Variants in PCDHA6 observed in about 807,000 individuals in gnomAD.
PCDHA6 encodes the protein protocadherin alpha-6.
A neutral mutation model predicts 60.3 loss-of-function variants in PCDHA6; 55 were observed. The observed-to-expected ratio is 0.91, with a 90% CI of 0.73 to 1.14. The LOEUF (loss-of-function observed/expected upper bound fraction) is 1.14, where lower values mean the gene tolerates loss of function less well. Among genes scored for constraint, PCDHA6 ranks in the 50% most tolerant of loss-of-function variants. The probability of loss-of-function intolerance (pLI) is 0.00; values close to 1 mark genes in which losing one functional copy is unlikely to be tolerated. For missense variants in PCDHA6, 1,327 were observed against 1,256.5 expected (o/e 1.06, Z -0.85); for synonymous variants, 652 against 557.9 (o/e 1.17, Z -2.38).
intron 1 of PCDHA6, chr5:140,869,209 T>C (rs782345986): frequency 1.2e-6 from 2 of 1,613,950 alleles, no homozygotes; most frequent in South Asian, 2.2e-5. Flanking sequence ...CTACTCCGTC[T>C]CGGAGGAGGC....
At chr5:140,940,894 T>G (rs1364224332) in intron 1 of PCDHA6, among the ~76,000 whole-genome samples, 1 of 152,240 alleles carries the variant, frequency 6.6e-6, no homozygotes, top group Non-Finnish European at 1.5e-5. Flanking sequence ...AGTAAACCAC[T>G]TTAAATCAAG....
chr5:140,904,706 A>G (rs1554191662), intron 1 of PCDHA6, among the ~76,000 whole-genome samples: 2 of 151,982 alleles, frequency 1.3e-5, no homozygotes, highest in South Asian at 2.1e-4. Flanking sequence ...TTCCCTTTTC[A>G]CCACATTCTG....
rs187844001 is a variant in PCDHA6 at position 140,981,487 on chromosome 5, T to C, written c.2454-988T>C. On this transcript the variant is annotated intron_variant, in intron 2 of 3. Coordinates refer to ENST00000529310, the MANE Select transcript of PCDHA6 (RefSeq NM_018909.4). ...TACTTGGGAGGCTGAGGCAGGAGAA[T>C]TGCTTGAACCTGGGAGGCAGAGGTT... Among the ~76,000 whole-genome samples the C allele has an allele frequency of 5.5e-3, 843 of 152,250 alleles. 8 individuals carry two copies. Among genetic ancestry groups the C allele is most frequent in the African/African-American group, 0.019 (806 of 41,542 alleles).
intron 3 of PCDHA6, among the ~76,000 whole-genome samples, chr5:141,007,475 C>G (rs575810038): frequency 1.3e-5 from 2 of 151,322 alleles, no homozygotes; most frequent in Non-Finnish European, 2.9e-5. Context: ...GGCTGAGGCA[C>G]GAGAATTACT....
At chr5:140,853,884 T>G in intron 1 of PCDHA6, 1 of 980,606 alleles carries the variant, frequency 1.0e-6, no homozygotes, top group South Asian at 4.8e-5. Flanking sequence ...TTTCTGTAAT[T>G]TAAAAAGATG....
intron 1 of PCDHA6, chr5:140,926,257 C>T (rs888723043): frequency 5.2e-5 from 8 of 152,418 alleles, no homozygotes; most frequent in African/African-American, 1.4e-4. Context: ...ACCGTCCCGC[C>T]TCTCGCCGCC....
At chr5:140,864,895 G>T (rs1212830646) in intron 1 of PCDHA6, 1 of 152,160 alleles carries the variant, frequency 6.6e-6, no homozygotes, top group African/African-American at 2.4e-5. Context: ...AAGCTGCATG[G>T]TCTTCAGAAT....
chr5:140,968,080 G>A (rs782815703), intron 1 of PCDHA6: 14 of 1,614,102 alleles, frequency 8.7e-6, no homozygotes, highest in Middle Eastern at 1.7e-4. Context: ...ACAACATCAC[G>A]GTGACAGCCA....
At position 140,909,620 on chromosome 5, in the gene PCDHA6, A is replaced by G. The variant is rs576090849; in HGVS notation, c.2395-69329A>G. On this transcript the variant is annotated intron_variant, in intron 1 of 3. Transcript: ENST00000529310. Reference sequence around the variant, plus strand: ...ATTTTTCTAGGTAGAGGCAGCTCTAATTGGTCTTCCTATTTTGTCTTTTCC... The same window carrying G: ...ATTTTTCTAGGTAGAGGCAGCTCTAGTTGGTCTTCCTATTTTGTCTTTTCC... Among the ~76,000 whole-genome samples the G allele has an allele frequency of 3.8e-4, 58 of 152,240 alleles. 2 individuals carry two copies. The Middle Eastern group carries it at 0.01, about 27-fold the overall frequency.
intron 1 of PCDHA6, chr5:140,849,964 T>C: frequency 6.3e-7 from 1 of 1,597,810 alleles, no homozygotes; most frequent in African/African-American, 1.3e-5. Flanking sequence ...AACGCCCTGG[T>C]GTCCTACTCG....
At chr5:140,850,996 T>A (rs2150505224) in intron 1 of PCDHA6, 3 of 1,441,956 alleles carry the variant, frequency 2.1e-6, no homozygotes, top group South Asian at 1.6e-5. Flanking sequence ...TTTCTAGAAA[T>A]CCAGCAGATT....
Position 140,842,122 on chromosome 5 carries a change from T to A in PCDHA6, c.2394+11637T>A, listed in dbSNP as rs2150329697. On this transcript the variant is annotated intron_variant, in intron 1 of 3. Transcript: ENST00000529310. Reference sequence around the variant, plus strand: ...CAACAGTTATCAAACTGAATGCTTCTGATCCGGATGAAGGAGCCAATGGGG... The same window carrying A: ...CAACAGTTATCAAACTGAATGCTTCAGATCCGGATGAAGGAGCCAATGGGG... 9 of 1,613,784 alleles carry A rather than the reference T, an allele frequency of 5.6e-6. No individual in the cohort carries two copies. In the South Asian group the frequency reaches 8.8e-5, roughly 16 times the overall value.
At chr5:140,862,636 T>C in intron 1 of PCDHA6, 1 of 539,338 alleles carries the variant, frequency 1.9e-6, no homozygotes, top group East Asian at 5.1e-5. Flanking sequence ...CTGCCACGAC[T>C]TCACAGTGTC....
chr5:140,871,445 A>C, intron 1 of PCDHA6: 1 of 1,609,986 alleles, frequency 6.2e-7, no homozygotes, highest in Non-Finnish European at 8.5e-7. Flanking sequence ...GGTCTGAATA[A>C]AGAGGAGGAA....
chr5:140,862,832 C>A (rs1554157076), intron 1 of PCDHA6: 1 of 572,198 alleles, frequency 1.7e-6, no homozygotes, highest in South Asian at 1.4e-5. Context: ...GCGCGCGACG[C>A]GGGCATGCCG....
At chr5:140,906,265 TATAG>T (rs1455952624) in intron 1 of PCDHA6, among the ~76,000 whole-genome samples, 7 of 152,148 alleles carry the variant, frequency 4.6e-5, no homozygotes, top group African/African-American at 1.2e-4. Context: ...CTCCTGAAAT[TATAG>T]ATAATCTTCA....
chr5:140,858,426 A>T, intron 1 of PCDHA6: 9 of 1,551,394 alleles, frequency 5.8e-6, no homozygotes, highest in Non-Finnish European at 7.9e-6. Flanking sequence ...GGAGGGGACC[A>T]CTCTAGGAAG....
intron 1 of PCDHA6, chr5:140,882,983 GC>G: frequency 1.2e-6 from 2 of 1,614,130 alleles, no homozygotes; most frequent in Non-Finnish European, 1.7e-6. Context: ...GAATGACAAC[GC>G]CCCGGAATTT....
intron 1 of PCDHA6, among the ~76,000 whole-genome samples, chr5:140,945,201 T>C (rs1168662297): frequency 2.6e-5 from 4 of 152,054 alleles, no homozygotes; most frequent in Non-Finnish European, 5.9e-5. Flanking sequence ...CTATTTACAA[T>C]AGCTATGAGA....
Sources: allele counts gnomAD v4.1 joint callset (sites outside exome capture counted in the v4.1 genomes callset), GRCh38; gene constraint gnomAD v4.1.1; transcripts MANE v1.5; gene names NCBI Gene and HGNC (gene_info 2026-07-23, HGNC 2026-07-21).